The following LHFPL5 variants were observed in gnomAD, a reference collection of about 807,000 sequenced individuals.
LHFPL5 encodes the protein LHFPL tetraspan subfamily member 5, also known as LHFPL tetraspan subfamily member 5 protein.
LHFPL5 carries 12 observed loss-of-function variants against 18.7 expected under a neutral mutation model. The ratio of observed to expected loss-of-function variants is 0.64; its 90% CI spans 0.41 to 1.04. LHFPL5 has a LOEUF of 1.04. Among genes scored for constraint, LHFPL5 ranks in the 50% least tolerant of loss-of-function variants. The pLI is 0.00. For missense variants in LHFPL5, 259 were observed against 292.1 expected, an observed-to-expected ratio of 0.89 and a Z score of 0.83; for synonymous variants, 111 against 120.2, an observed-to-expected ratio of 0.92 and a Z score of 0.50.
At chr6:35,820,516 T>G (rs952978974) in intron 3 of LHFPL5, among the ~76,000 whole-genome samples, 1 of 151,534 alleles carries the variant, frequency 6.6e-6, no homozygotes, top group African/African-American at 2.4e-5. Context: ...CTGGCTAACA[T>G]GGTGAAACCC....
chr6:35,808,129 G>C (rs932664372), intron 1 of LHFPL5, among the ~76,000 whole-genome samples: 4 of 151,940 alleles, frequency 2.6e-5, no homozygotes, highest in African/African-American at 9.6e-5. Context: ...TGGGCAGTGG[G>C]GAGCAAGGTA....
chr6:35,818,413 C>T (rs1768809131), intron 2 of LHFPL5, among the ~76,000 whole-genome samples: 1 of 137,950 alleles, frequency 7.2e-6, no homozygotes, highest in Non-Finnish European at 1.5e-5. Context: ...GGCTGGAGTG[C>T]AGTGGCATGA....
intron 2 of LHFPL5, among the ~76,000 whole-genome samples, chr6:35,817,339 G>C (rs1178141741): frequency 6.6e-6 from 1 of 151,696 alleles, no homozygotes; most frequent in Non-Finnish European, 1.5e-5. Context: ...AATCTTAAAA[G>C]AAAAAAATAG....
intron 1 of LHFPL5, among the ~76,000 whole-genome samples, chr6:35,808,732 A>AT (rs1768616444): frequency 6.6e-6 from 1 of 151,570 alleles, no homozygotes; most frequent in Non-Finnish European, 1.5e-5. Context: ...CATCTCTCTC[A>AT]TTCTCAGGGC....
intron 1 of LHFPL5, among the ~76,000 whole-genome samples, chr6:35,812,112 A>G (rs144152124): frequency 4.2e-4 from 64 of 152,360 alleles, no homozygotes; most frequent in African/African-American, 1.3e-3. Context: ...ATCACAGTCA[A>G]GATGGTACAT....
intron 1 of LHFPL5, chr6:35,811,432 G>A (rs1768663194): frequency 6.6e-6 from 1 of 152,316 alleles, no homozygotes; most frequent in Non-Finnish European, 1.5e-5. Flanking sequence ...GGAAGTCAGA[G>A]AGGGTAAGTA....
chr6:35,805,410 T>C lies in LHFPL5; in HGVS notation c.-261T>C. ...GCAGGGCGGCGCCAGCAGGCCCTGG[T>C]GGGCTTGGGAGGAGGCAGGAGACTG... On this transcript the variant is annotated 5_prime_UTR_variant, in exon 1 of 4. Coordinates refer to ENST00000360215, the MANE Select transcript of LHFPL5 (RefSeq NM_182548.4). This position sits in a 1 kb window ranked among gnomAD's most constrained non-coding sequence, Gnocchi z 4.3. 2 of 501,958 alleles carry C rather than the reference T, an allele frequency of 4.0e-6. No individual in the cohort carries two copies. Among genetic ancestry groups the C allele is most frequent in the Non-Finnish European group, 7.2e-6 (2 of 276,054 alleles). 31.1% of individuals were successfully genotyped at this position (501,958 alleles called of 1,614,324 possible).
At chr6:35,821,891 T>TTTTTTTTTTA (rs1768875344) in intron 3 of LHFPL5, among the ~76,000 whole-genome samples, 1 of 126,554 alleles carries the variant, frequency 7.9e-6, no homozygotes, top group African/African-American at 3.3e-5. Flanking sequence ...TTTTTTTTTT[T>TTTTTTTTTTA]GAGACAGGGT....
At chr6:35,820,458 T>G (rs1768844762) in intron 3 of LHFPL5, among the ~76,000 whole-genome samples, 1 of 152,106 alleles carries the variant, frequency 6.6e-6, no homozygotes, top group Non-Finnish European at 1.5e-5. Context: ...CCCAGCACTT[T>G]GGGAGGCTGA....
intron 1 of LHFPL5, among the ~76,000 whole-genome samples, chr6:35,810,700 G>A (rs540435198): frequency 2.7e-4 from 41 of 151,992 alleles, no homozygotes; most frequent in African/African-American, 9.4e-4. Context: ...GGTGGCGGGC[G>A]CCTGTAGTCC....
chr6:35,806,894 G>C (rs752411322), intron 1 of LHFPL5, among the ~76,000 whole-genome samples: 3 of 152,162 alleles, frequency 2.0e-5, no homozygotes, highest in Non-Finnish European at 4.4e-5. Flanking sequence ...CATGATCTCA[G>C]CTGACTGCAG....
chr6:35,809,968 C>G (rs1768636234), intron 1 of LHFPL5, among the ~76,000 whole-genome samples: 1 of 152,228 alleles, frequency 6.6e-6, no homozygotes, highest in Non-Finnish European at 1.5e-5. Flanking sequence ...TCCATCACCT[C>G]AAACACTTAA....
intron 3 of LHFPL5, 158 bp downstream of exon 3, chr6:35,819,621 C>T: frequency 2.8e-6 from 2 of 718,460 alleles, no homozygotes; most frequent in South Asian, 1.6e-5. Context: ...GGGGCAGGAG[C>T]TATTTGGCCT....
At chr6:35,810,673 A>C (rs1428445924) in intron 1 of LHFPL5, among the ~76,000 whole-genome samples, 1 of 152,052 alleles carries the variant, frequency 6.6e-6, no homozygotes, top group East Asian at 1.9e-4. Flanking sequence ...TACAAAAATA[A>C]AAAATTAGCT....
chr6:35,809,212 C>A (rs1768624845), intron 1 of LHFPL5, among the ~76,000 whole-genome samples: 1 of 152,188 alleles, frequency 6.6e-6, no homozygotes, highest in African/African-American at 2.4e-5. Flanking sequence ...TGCTTGTCTT[C>A]TCTGAGTCTT....
rs9462125 is a variant in LHFPL5, at chr6:35,823,525, G to C, written c.*560G>C. On this transcript the variant is annotated 3_prime_UTR_variant, in exon 4 of 4. Coordinates refer to ENST00000360215, the MANE Select transcript of LHFPL5 (RefSeq NM_182548.4). ...CACAAATGCCCAACCAGCTCTAAGA[G>C]GGCACTGAAGAGGTGGCTGGACATG... 45,465 of 147,810 alleles carry C rather than the reference G, an allele frequency of 0.31. 7,539 individuals carry two copies. Among genetic ancestry groups the C allele is most frequent in the South Asian group, 0.42 (1,912 of 4,592 alleles). The allele number at this position is 147,810 out of a possible 1,614,324, so 9.2% of individuals were successfully genotyped here.
Position 35,814,628 on chromosome 6 carries a change from G to T in LHFPL5, c.495G>T (p.Thr165=). The change falls in exon 2 of 4, where the codon ACG becomes ACT. Residue 165 remains threonine (T), a synonymous_variant. Coordinates refer to ENST00000360215, the MANE Select transcript of LHFPL5 (RefSeq NM_182548.4). The surrounding 1 kb of genome is among the most constrained non-coding windows in gnomAD (Gnocchi z 4.2). ...TGCGGCGCATGTGTGGGGAGCAGAC[G>T]GGCAAGTACACGCTGGGCCACTGCA... ...SEVRRMCGEQ[T]GKYTLGHCTI... 1 of 1,614,086 alleles carries T rather than the reference G, an allele frequency of 6.2e-7. No individual in the cohort carries two copies. The highest frequency in any genetic ancestry group is 8.5e-7 in the Non-Finnish European group (1 of 1,179,964).
rs70975109 is a variant in LHFPL5, at chr6:35,823,448, T to TACACACAC, written c.*506_*513dup. On this transcript the variant is annotated 3_prime_UTR_variant, in exon 4 of 4. Coordinates refer to ENST00000360215, the MANE Select transcript of LHFPL5 (RefSeq NM_182548.4). The stretch of plus-strand genomic sequence containing the variant: ...ACATACATACACACACACATATATA[T>TACACACAC]ACACACACACACACACACACACACA... The TACACACAC allele has an allele frequency of 2.3e-4, 18 of 76,906 alleles. No homozygotes were observed. Among genetic ancestry groups the TACACACAC allele is most frequent in the African/African-American group, 7.5e-4 (15 of 19,870 alleles). 4.8% of individuals were successfully genotyped at this position (76,906 alleles called of 1,614,324 possible). A position where few individuals can be genotyped will look rare whatever the true frequency, so the allele number is the denominator to read the frequency against.
chr6:35,817,674 C>T (rs1037972921), intron 2 of LHFPL5, among the ~76,000 whole-genome samples: 1 of 152,170 alleles, frequency 6.6e-6, no homozygotes, highest in Non-Finnish European at 1.5e-5. Flanking sequence ...TTCACACCCA[C>T]TAAGATGATT....
Sources: gnomAD v4.1 joint callset for allele counts (sites outside exome capture counted in the v4.1 genomes callset) on GRCh38, gnomAD v4.1.1 for gene constraint, Gnocchi (gnomAD v3.1) non-coding constraint, MANE v1.5 for transcripts, NCBI Gene and HGNC (gene_info 2026-07-23, HGNC 2026-07-21) for gene names.